RET: variants seen among roughly 807,000 people sequenced by gnomAD.
RET encodes proto-oncogene tyrosine-protein kinase receptor Ret.
A neutral mutation model predicts 118.3 loss-of-function variants in RET; 19 were observed. The observed-to-expected ratio is 0.16, with a 90% CI of 0.11 to 0.24. RET has a LOEUF of 0.24. Among genes scored for constraint, RET ranks in the 10% least tolerant of loss-of-function variants. The pLI is 1.00. For missense variants in RET, 1,219 were observed against 1,502.1 expected (o/e 0.81, Z 3.12); for synonymous variants, 597 against 644.1 (o/e 0.93, Z 1.11).
In RET at chr10:43,114,346, C is replaced by T. The variant is rs1002620075; in HGVS notation, c.1880-134C>T. ...TCGATGGGGTGTTCTCAGGCCTTCCCACACCTCCATGGCCACTTCCCAGCT... is the reference window on the plus strand; with the variant it reads ...TCGATGGGGTGTTCTCAGGCCTTCCTACACCTCCATGGCCACTTCCCAGCT... On this transcript the variant is annotated intron_variant, in intron 10 of 19. Transcript: ENST00000355710. This position sits in a 1 kb window ranked among gnomAD's most constrained non-coding sequence, Gnocchi z 4.6. The T allele has an allele frequency of 5.6e-6, 7 of 1,248,922 alleles. No individual in the cohort carries two copies. The African/African-American group carries it at 8.9e-5, about 16-fold the overall frequency. The allele number at this position is 1,248,922 out of a possible 1,614,324, so 77.4% of individuals were successfully genotyped here.
intron 19 of RET, 187 bp downstream of exon 19, chr10:43,126,909 T>G: frequency 1.4e-6 from 2 of 1,440,552 alleles, no homozygotes; most frequent in Non-Finnish European, 1.8e-6. Flanking sequence ...AACTATGTTT[T>G]TCTAAAAGGA....
At chr10:43,125,112 A>T in intron 18 of RET, 130 bp downstream of exon 18, 2 of 836,234 alleles carry the variant, frequency 2.4e-6, no homozygotes, top group Non-Finnish European at 4.0e-6. Context: ...AGAGAGAGAG[A>T]GTCATGCTCT....
chr10:43,115,298 G>A (rs1481671584), intron 11 of RET, among the ~76,000 whole-genome samples: 2 of 152,216 alleles, frequency 1.3e-5, no homozygotes, highest in African/African-American at 4.8e-5. Flanking sequence ...GAGCCTCCAG[G>A]GAGGAAGCTG....
intron 10 of RET, 122 bp downstream of exon 10, chr10:43,113,797 C>T (rs1838000386): frequency 1.4e-6 from 2 of 1,385,956 alleles, no homozygotes; most frequent in African/African-American, 1.4e-5. Context: ...TGAAACTTCC[C>T]TCCCTCCCTC....
intron 14 of RET, among the ~76,000 whole-genome samples, 167 bp downstream of exon 14, chr10:43,119,912 A>G (rs1428722233): frequency 2.7e-5 from 4 of 149,612 alleles, no homozygotes; most frequent in Non-Finnish European, 4.4e-5. Context: ...CGCCCCTGCC[A>G]TGTCACACCC....
At chr10:43,120,574 TAGC>T (rs1838192990) in intron 15 of RET, among the ~76,000 whole-genome samples, 1 of 152,250 alleles carries the variant, frequency 6.6e-6, no homozygotes, top group Non-Finnish European at 1.5e-5. Flanking sequence ...GGGATGAAAT[TAGC>T]AGGATCGTCA....
intron 1 of RET, among the ~76,000 whole-genome samples, chr10:43,086,434 T>A (rs1207996817): frequency 6.6e-6 from 1 of 152,112 alleles, no homozygotes; most frequent in African/African-American, 2.4e-5. Flanking sequence ...ATGGACATGA[T>A]CTGAGTCACT....
At chr10:43,094,556 C>A (rs1837481485) in intron 1 of RET, among the ~76,000 whole-genome samples, 1 of 152,134 alleles carries the variant, frequency 6.6e-6, no homozygotes, top group African/African-American at 2.4e-5. Flanking sequence ...GTGGCAGGGT[C>A]ACCATGCCAT....
At chr10:43,118,279 G>T in intron 12 of RET, 94 bp from the exon 13 acceptor site, 1 of 961,494 alleles carries the variant, frequency 1.0e-6, no homozygotes, top group Non-Finnish European at 1.6e-6. Flanking sequence ...GTCTGAACTT[G>T]GGCAAGGCGA....
In RET at chr10:43,106,679, G is replaced by T; in HGVS notation, c.1063+108G>T. 1 of 1,202,908 alleles carries T rather than the reference G, an allele frequency of 8.3e-7. No homozygotes were observed. The highest frequency in any genetic ancestry group is 1.3e-5 in the South Asian group (1 of 74,774). The allele number at this position is 1,202,908 out of a possible 1,614,324, so 74.5% of individuals were successfully genotyped here. A position where few individuals can be genotyped will look rare whatever the true frequency, so the allele number is the denominator to read the frequency against. On this transcript the variant is annotated intron_variant, in intron 5 of 19. Transcript: ENST00000355710. This position sits in a 1 kb window ranked among gnomAD's most constrained non-coding sequence, Gnocchi z 5.1. ...ACATGCACACCTGGCATGGCCCTCT[G>T]TGGCCCAAGCCACTTCCCCTCCACC...
chr10:43,109,545 TG>T (rs1837868255), intron 6 of RET, among the ~76,000 whole-genome samples: 1 of 152,056 alleles, frequency 6.6e-6, no homozygotes, highest in Non-Finnish European at 1.5e-5. Context: ...ATCTTCCTGG[TG>T]GATTGGTGAG....
rs199938820 is a variant in RET at position 43,118,343 on chromosome 10, G to A, written c.2285-30G>A. 2.5e-5 allele frequency: 39 copies of A among 1,583,940 alleles called. No individual in the cohort carries two copies. In the East Asian group the frequency reaches 5.6e-4, roughly 23 times the overall value. ...ATGGAAGGGGCTTCCAGGAGCGATC[G>A]TTTGCAACCTGCTCTGTGCTGCATT... is the stretch of plus-strand genomic sequence containing the variant. On this transcript the variant is annotated intron_variant, in intron 12 of 19. Transcript: ENST00000355710.
intron 16 of RET, among the ~76,000 whole-genome samples, chr10:43,122,669 G>A (rs750332627): frequency 1.4e-4 from 21 of 152,126 alleles, no homozygotes; most frequent in Non-Finnish European, 2.2e-4. Flanking sequence ...GTGCAGTGGC[G>A]CAATCCTGGC....
intron 1 of RET, among the ~76,000 whole-genome samples, chr10:43,088,918 G>A (rs1395468773): frequency 6.6e-6 from 1 of 152,178 alleles, no homozygotes; most frequent in African/African-American, 2.4e-5. Context: ...ACCTCCTGCT[G>A]CTTTTCCCCT....
intron 1 of RET, among the ~76,000 whole-genome samples, 190 bp downstream of exon 1, chr10:43,077,521 C>T (rs1837074807): frequency 6.7e-6 from 1 of 149,752 alleles, no homozygotes; most frequent in African/African-American, 2.4e-5. Context: ...ACGCCTCGGG[C>T]CGGGCGCCTC....
chr10:43,105,742 T>G (rs1837758305), intron 4 of RET, among the ~76,000 whole-genome samples: 1 of 152,140 alleles, frequency 6.6e-6, no homozygotes, highest in South Asian at 2.1e-4. Context: ...GGTAGTACGT[T>G]GCCTTGTTCC....
Position 43,106,459 on chromosome 10 carries a change from G to C in RET, c.951G>C (p.Thr317=). 4 of 1,613,412 alleles carry C rather than the reference G, an allele frequency of 2.5e-6. No individual in the cohort carries two copies. Among genetic ancestry groups the C allele is most frequent in the Non-Finnish European group, 3.4e-6 (4 of 1,179,756 alleles). ...AGCTGGTGAGGCGGTACACAAGCAC[G>C]CTGCTCCCCGGGGACACCTGGGCCC... is the stretch of plus-strand genomic sequence containing the variant. ...SGELVRRYTS[T]LLPGDTWAQQ... The change falls in exon 5 of 20, where the codon ACG becomes ACC. Residue 317 remains threonine (T), a synonymous_variant. Transcript: ENST00000355710. The surrounding 1 kb of genome is among the most constrained non-coding windows in gnomAD (Gnocchi z 5.1).
In RET at chr10:43,102,533, C is replaced by T. The variant is rs765654609; in HGVS notation, c.529C>T (p.Arg177Trp). 32 of 1,614,102 alleles carry T rather than the reference C, an allele frequency of 2.0e-5. No homozygotes were observed. The highest frequency in any genetic ancestry group is 2.2e-5 in the East Asian group (1 of 44,900). ...AGAGACAAGGCCCTCCTTCCGCATT[C>T]GGGAGAACCGACCCCCAGGCACCTT... The part of the protein sequence containing the change: ...FPETRPSFRI[R>W]ENRPPGTFHQ... The change falls in exon 3 of 20, where the codon CGG (arginine) becomes TGG (tryptophan). Residue 177 changes from arginine (R) to tryptophan (W), a missense_variant. Transcript: ENST00000355710.
At chr10:43,117,704 G>A (rs1157281449) in intron 12 of RET, among the ~76,000 whole-genome samples, 1 of 152,248 alleles carries the variant, frequency 6.6e-6, no homozygotes, top group Non-Finnish European at 1.5e-5. Flanking sequence ...GCCTCGTCCT[G>A]TTTCCATCAT....
Sources: allele counts gnomAD v4.1 joint callset (sites outside exome capture counted in the v4.1 genomes callset), GRCh38; gene constraint gnomAD v4.1.1; non-coding constraint Gnocchi (gnomAD v3.1); transcripts MANE v1.5; gene names NCBI Gene and HGNC (gene_info 2026-07-23, HGNC 2026-07-21).